GNA14: variants seen among roughly 807,000 people sequenced by gnomAD.
The protein encoded by GNA14 is guanine nucleotide-binding protein subunit alpha-14.
A neutral mutation model predicts 42.0 loss-of-function variants in GNA14; 50 were observed. That is an observed-to-expected ratio of 1.19 (90% CI 0.95 to 1.51). The LOEUF (loss-of-function observed/expected upper bound fraction) is 1.51. GNA14 is among the 40% of genes most tolerant of loss of function. GNA14 has a pLI of 0.00. For missense variants in GNA14, 473 were observed against 446.2 expected (o/e 1.06, Z -0.54); for synonymous variants, 173 against 163.1 (o/e 1.06, Z -0.46).
At chr9:77,484,189 C>T (rs895752990) in intron 2 of GNA14, among the ~76,000 whole-genome samples, 8 of 152,082 alleles carry the variant, frequency 5.3e-5, no homozygotes, top group Non-Finnish European at 1.2e-4. Flanking sequence ...ATTAAAAGAA[C>T]AATCAATCTA....
rs200248503 is a variant in GNA14, at chr9:77,624,855, G to A, written c.124+22815C>T. On this transcript the variant is annotated intron_variant, in intron 1 of 6. Coordinates refer to ENST00000341700, the MANE Select transcript of GNA14 (RefSeq NM_004297.4). ...ACCAGAATGACTCTTCTCTTCCAAA[G>A]GATCACAACTCCTTGCCAGCAAGGG... Among the ~76,000 whole-genome samples, 5 of 152,198 alleles carry A rather than the reference G, an allele frequency of 3.3e-5. No individual in the cohort carries two copies. The East Asian group carries it at 9.7e-4, about 30-fold the overall frequency.
At chr9:77,531,188 G>A (rs949868599) in intron 1 of GNA14, among the ~76,000 whole-genome samples, 8 of 152,150 alleles carry the variant, frequency 5.3e-5, no homozygotes, top group African/African-American at 7.2e-5. Flanking sequence ...CGAACAATGT[G>A]CCTGCTTTAT....
At chr9:77,558,913 G>GT (rs1822832712) in intron 1 of GNA14, among the ~76,000 whole-genome samples, 1 of 138,906 alleles carries the variant, frequency 7.2e-6, no homozygotes, top group Non-Finnish European at 1.5e-5. Context: ...GAAAAAAGGT[G>GT]TTAAAAAACA....
At chr9:77,504,307 C>CAA (rs553383614) in intron 2 of GNA14, among the ~76,000 whole-genome samples, 44 of 152,204 alleles carry the variant, frequency 2.9e-4, no homozygotes, top group African/African-American at 9.4e-4. Context: ...TGAGACTATA[C>CAA]AAACCAGATC....
chr9:77,519,398 G>C (rs1477073721), intron 2 of GNA14, among the ~76,000 whole-genome samples: 2 of 151,984 alleles, frequency 1.3e-5, no homozygotes, highest in African/African-American at 4.8e-5. Context: ...GTGACACGGC[G>C]AGACTCTGCC....
chr9:77,539,864 T>C (rs1837638443), intron 1 of GNA14, among the ~76,000 whole-genome samples: 1 of 152,134 alleles, frequency 6.6e-6, no homozygotes, highest in Non-Finnish European at 1.5e-5. Flanking sequence ...TCTGATTATG[T>C]TTATTTGGGT....
chr9:77,494,055 G>A (rs543986682), intron 2 of GNA14, among the ~76,000 whole-genome samples: 1 of 152,112 alleles, frequency 6.6e-6, no homozygotes, highest in African/African-American at 2.4e-5. Flanking sequence ...CAAGTAGCTT[G>A]GATTACAGGC....
At chr9:77,478,124 C>T (rs558793041) in intron 2 of GNA14, among the ~76,000 whole-genome samples, 59 of 151,376 alleles carry the variant, frequency 3.9e-4, no homozygotes, top group Admixed American at 1.6e-3. Context: ...TGTGCTGCAC[C>T]CATTAACTCG....
At chr9:77,499,083 GAGAATTCCACAAACATT>G (rs1410949488) in intron 2 of GNA14, among the ~76,000 whole-genome samples, 2 of 152,180 alleles carry the variant, frequency 1.3e-5, no homozygotes, top group African/African-American at 4.8e-5. Context: ...CTACTATGTG[GAGAATTCCACAAACATT>G]AGAAACGTAA....
chr9:77,427,607 C>A (rs76396574), intron 5 of GNA14, among the ~76,000 whole-genome samples: 1 of 152,302 alleles, frequency 6.6e-6, no homozygotes, highest in East Asian at 1.9e-4. Context: ...GAAAAGATGA[C>A]GAGGAGGACA....
chr9:77,515,086 G>A (rs1375535627), intron 2 of GNA14, among the ~76,000 whole-genome samples: 1 of 152,120 alleles, frequency 6.6e-6, no homozygotes, highest in African/African-American at 2.4e-5. Context: ...CGAGAGACAC[G>A]TTCAAGAAAG....
chr9:77,612,445 C>G (rs571497933), intron 1 of GNA14, among the ~76,000 whole-genome samples: 1 of 152,282 alleles, frequency 6.6e-6, no homozygotes, highest in Admixed American at 6.5e-5. Context: ...CCAAACACTT[C>G]TCTCAGGGCT....
chr9:77,433,582 CG>C (rs1469169640), intron 3 of GNA14, among the ~76,000 whole-genome samples: 1 of 151,946 alleles, frequency 6.6e-6, no homozygotes, highest in Non-Finnish European at 1.5e-5. Flanking sequence ...AGGCTAGTCT[CG>C]AATTCCTGGT....
At chr9:77,578,160 C>T (rs1178436817) in intron 1 of GNA14, among the ~76,000 whole-genome samples, 1 of 152,154 alleles carries the variant, frequency 6.6e-6, no homozygotes. Flanking sequence ...CCCGTAGTCC[C>T]AGCTACTCAG....
intron 2 of GNA14, among the ~76,000 whole-genome samples, chr9:77,440,393 C>T (rs1294803884): frequency 3.3e-5 from 5 of 152,350 alleles, no homozygotes; most frequent in Non-Finnish European, 7.3e-5. Flanking sequence ...ATCCTCCCCA[C>T]GGGGGTGCTT....
chr9:77,438,111 T>C (rs1270526256), intron 2 of GNA14, among the ~76,000 whole-genome samples: 1 of 151,978 alleles, frequency 6.6e-6, no homozygotes, highest in African/African-American at 2.4e-5. Context: ...TTTAGCCGGG[T>C]GAGGGGAATT....
intron 2 of GNA14, among the ~76,000 whole-genome samples, chr9:77,523,516 G>A (rs1260213566): frequency 6.6e-6 from 1 of 152,050 alleles, no homozygotes; most frequent in Non-Finnish European, 1.5e-5. Context: ...CCTCCCAACA[G>A]GCCCCACCTC....
intron 1 of GNA14, among the ~76,000 whole-genome samples, chr9:77,558,102 TAAGAC>T (rs1822818179): frequency 1.3e-5 from 2 of 152,288 alleles, no homozygotes; most frequent in African/African-American, 4.8e-5. Context: ...AAATAATTCT[TAAGAC>T]AATAGAGGAT....
At chr9:77,559,053 T>A (rs1007948589) in intron 1 of GNA14, among the ~76,000 whole-genome samples, 5 of 152,188 alleles carry the variant, frequency 3.3e-5, no homozygotes, top group African/African-American at 1.2e-4. Flanking sequence ...CTTTTGAGCA[T>A]CTTCCTTTTG....
Sources: gnomAD v4.1 joint callset for allele counts (sites outside exome capture counted in the v4.1 genomes callset) on GRCh38, gnomAD v4.1.1 for gene constraint, MANE v1.5 for transcripts, NCBI Gene and HGNC (gene_info 2026-07-23, HGNC 2026-07-21) for gene names.